The following SKOR2 variants were observed in gnomAD, a reference collection of about 807,000 sequenced individuals.
The protein encoded by SKOR2 is SKI family transcriptional corepressor 2, also known as LBX1 corepressor 1-like protein.
A neutral mutation model predicts 69.1 loss-of-function variants in SKOR2; 47 were observed. That is an observed-to-expected ratio of 0.68 (90% CI 0.54 to 0.87). SKOR2 has a LOEUF of 0.87. Ranked by LOEUF, SKOR2 falls within the 40% of genes least tolerant of loss-of-function variation. The probability of loss-of-function intolerance (pLI) is 0.00; values close to 1 mark genes in which losing one functional copy is unlikely to be tolerated. For synonymous variants in SKOR2, 717 were observed against 672.6 expected, an observed-to-expected ratio of 1.07 and a Z score of -1.02; for missense variants, 1,404 against 1,472.2, an observed-to-expected ratio of 0.95 and a Z score of 0.76.
intron 3 of SKOR2, among the ~76,000 whole-genome samples, 196 bp from the exon 4 acceptor site, chr18:47,245,178 A>G (rs765144403): frequency 6.6e-6 from 1 of 152,184 alleles, no homozygotes; most frequent in Non-Finnish European, 1.5e-5. Flanking sequence ...GAGGACAAAG[A>G]TATCTAAGAA....
chr18:47,212,076 G>C lies in SKOR2; in HGVS notation c.*3+10C>G. On this transcript the variant is annotated intron_variant, in intron 8 of 8. Coordinates refer to ENST00000425639, the MANE Select transcript of SKOR2 (RefSeq NM_001278063.4). ...GAGTTAAGAAAATCTCTTTCCTCTG[G>C]TGATCTTACCTTTTAGCTTTTGCTG... is the stretch of plus-strand genomic sequence containing the variant. 1 of 1,231,906 alleles carries C rather than the reference G, an allele frequency of 8.1e-7. No homozygotes were observed. The highest frequency in any genetic ancestry group is 3.2e-5 in the East Asian group (1 of 31,698). The allele number at this position is 1,231,906 out of a possible 1,614,324, so 76.3% of individuals were successfully genotyped here. A position where few individuals can be genotyped will look rare whatever the true frequency, so the allele number is the denominator to read the frequency against.
At position 47,247,697 on chromosome 18, in the gene SKOR2, C is replaced by A; in HGVS notation, c.1487G>T (p.Gly496Val). 1.5e-6 allele frequency: 2 copies of A among 1,366,002 alleles called. No homozygotes were observed. Among genetic ancestry groups the A allele is most frequent in the Non-Finnish European group, 9.4e-7 (1 of 1,068,386 alleles). The allele number at this position is 1,366,002 out of a possible 1,614,324, so 84.6% of individuals were successfully genotyped here. Reference sequence around the variant, plus strand: ...GGCCGGGCTTTCGCCTAGCGCGCAGCCTAGCGCCGAGGGCGGCTGAGGCGG... The same window carrying A: ...GGCCGGGCTTTCGCCTAGCGCGCAGACTAGCGCCGAGGGCGGCTGAGGCGG... ...QPPPQPPSAL[G>V]CALGESPALL... The change falls in exon 2 of 9, where the codon GGC becomes GTC. Residue 496 changes from glycine to valine, a missense_variant. Gly to Val is a moderately radical substitution (Grantham distance 109). Around this residue, in one of 3 missense-constraint regions of SKOR2, gnomAD observed 1,266 missense variants for 1,309.9 expected, o/e 0.97. Transcript: ENST00000425639. The surrounding 1 kb of genome is among the most constrained non-coding windows in gnomAD (Gnocchi z 6.6).
intron 7 of SKOR2, among the ~76,000 whole-genome samples, chr18:47,219,016 C>A (rs573242588): frequency 6.6e-6 from 1 of 152,290 alleles, no homozygotes; most frequent in Admixed American, 6.5e-5. Context: ...AACTATCTTT[C>A]TTAAATAATC....
chr18:47,244,890 T>G lies in SKOR2; in HGVS notation c.2752+18A>C. The G allele has an allele frequency of 6.5e-7, 1 of 1,534,068 alleles. No homozygotes were observed. Among genetic ancestry groups the G allele is most frequent in the African/African-American group, 1.4e-5 (1 of 73,104 alleles). On this transcript the variant is annotated intron_variant, in intron 4 of 8. Coordinates refer to ENST00000425639, the MANE Select transcript of SKOR2 (RefSeq NM_001278063.4). ...CTGTCATCTGACTATTCATTCCTCT[T>G]ATTTGTTCCCAGCCTACCTGATCTT...
chr18:47,248,405 T>A lies in SKOR2; in HGVS notation c.779A>T (p.Lys260Met). Residue 260 changes from lysine (K) to methionine (M), a missense_variant, in exon 2 of 9, where the codon AAG becomes ATG. Lys to Met is a moderately conservative substitution (Grantham distance 95). Coordinates refer to ENST00000425639, the MANE Select transcript of SKOR2 (RefSeq NM_001278063.4). This position sits in a 1 kb window ranked among gnomAD's most constrained non-coding sequence, Gnocchi z 6.4. ...HPACHPLSSV[K>M]AAAVAAAAAV... is the part of the protein sequence containing the mutation. ...GGCCGCGGCGGCCACGGCGGCCGCC[T>A]TCACAGAGCTGAGCGGGTGGCAGGC... 7 of 1,377,998 alleles carry A rather than the reference T, an allele frequency of 5.1e-6. No homozygotes were observed. Among genetic ancestry groups the A allele is most frequent in the Admixed American group, 2.9e-5 (1 of 34,304 alleles). 85.4% of individuals were successfully genotyped at this position (1,377,998 alleles called of 1,614,324 possible). A position where few individuals can be genotyped will look rare whatever the true frequency, so the allele number is the denominator to read the frequency against.
intron 6 of SKOR2, among the ~76,000 whole-genome samples, chr18:47,227,334 T>A (rs1475382832): frequency 7.6e-6 from 1 of 131,480 alleles, no homozygotes; most frequent in African/African-American, 2.9e-5. Context: ...CAATTTTTTT[T>A]TTTTTTTTTT....
chr18:47,226,338 G>T (rs1167366422), intron 6 of SKOR2, among the ~76,000 whole-genome samples: 1 of 152,112 alleles, frequency 6.6e-6, no homozygotes, highest in Non-Finnish European at 1.5e-5. Context: ...AGGGAGTTTG[G>T]AATGGTGGAA....
In SKOR2 at chr18:47,248,360, C is replaced by G; in HGVS notation, c.824G>C (p.Gly275Ala). The G allele has an allele frequency of 1.6e-6, 2 of 1,279,402 alleles. No individual in the cohort carries two copies. Among genetic ancestry groups the G allele is most frequent in the Non-Finnish European group, 2.0e-6 (2 of 1,022,094 alleles). 79.3% of individuals were successfully genotyped at this position (1,279,402 alleles called of 1,614,324 possible). A position where few individuals can be genotyped will look rare whatever the true frequency, so the allele number is the denominator to read the frequency against. Residue 275 changes from glycine to alanine, a missense_variant, in exon 2 of 9, where the codon GGT becomes GCT. Transcript: ENST00000425639. The surrounding 1 kb of genome is among the most constrained non-coding windows in gnomAD (Gnocchi z 6.4). ...AAAAAVAGGG[G>A]LLGPHLLGAP... The stretch of plus-strand genomic sequence containing the variant: ...ACCCAGCAGGTGGGGGCCCAGCAGA[C>G]CCCCGCCTCCGGCCACCGCGGCCGC...
At chr18:47,235,790 A>C (rs2144501819) in intron 4 of SKOR2, among the ~76,000 whole-genome samples, 1 of 150,740 alleles carries the variant, frequency 6.6e-6, no homozygotes, top group South Asian at 2.1e-4. Context: ...CAAAAAAAAA[A>C]AAAAAAAAAA....
In SKOR2 at chr18:47,248,545, G is replaced by C. The variant is rs1252058696; in HGVS notation, c.639C>G (p.Leu213=). The C allele has an allele frequency of 6.5e-7, 1 of 1,537,466 alleles. No homozygotes were observed. The highest frequency in any genetic ancestry group is 8.7e-7 in the Non-Finnish European group (1 of 1,146,974). The change falls in exon 2 of 9, where the codon CTC becomes CTG. Residue 213 remains leucine, a synonymous_variant. Coordinates refer to ENST00000425639, the MANE Select transcript of SKOR2 (RefSeq NM_001278063.4). This position sits in a 1 kb window ranked among gnomAD's most constrained non-coding sequence, Gnocchi z 6.4. ...CCTGGGGACTCTTGTCGGTGAGCTT[G>C]AGATGACGGCGCCACGAGTTGAAGT... ...AANFNSWRRH[L]KLTDKSPQDE... is the part of the protein sequence containing the mutation.
chr18:47,209,243 A>G (rs563108673), intron 8 of SKOR2, among the ~76,000 whole-genome samples: 2 of 152,122 alleles, frequency 1.3e-5, no homozygotes, highest in Non-Finnish European at 2.9e-5. Flanking sequence ...TCCTCCTCTT[A>G]ATAGTCATAT....
intron 8 of SKOR2, among the ~76,000 whole-genome samples, chr18:47,208,667 A>G (rs1484604689): frequency 6.6e-6 from 1 of 152,200 alleles, no homozygotes; most frequent in Non-Finnish European, 1.5e-5. Context: ...CTGTGCAGGA[A>G]GTGCGTCACA....
At chr18:47,245,817 A>G (rs1041638797) in intron 2 of SKOR2, among the ~76,000 whole-genome samples, 5 of 152,142 alleles carry the variant, frequency 3.3e-5, no homozygotes, top group African/African-American at 1.2e-4. Context: ...GCATAGGCAT[A>G]TGCTTCTGTA....
chr18:47,220,870 C>T (rs2064159076), intron 6 of SKOR2, among the ~76,000 whole-genome samples: 1 of 152,140 alleles, frequency 6.6e-6, no homozygotes, highest in Non-Finnish European at 1.5e-5. Context: ...GAAACTTCAT[C>T]ATTATCTTTT....
intron 7 of SKOR2, among the ~76,000 whole-genome samples, chr18:47,216,728 T>C (rs2144481816): frequency 6.6e-6 from 1 of 152,312 alleles, no homozygotes; most frequent in East Asian, 1.9e-4. Flanking sequence ...TTGGGAATCA[T>C]TACAAAATAT....
intron 7 of SKOR2, among the ~76,000 whole-genome samples, chr18:47,213,743 A>G (rs1305893594): frequency 6.6e-6 from 1 of 152,204 alleles, no homozygotes; most frequent in Admixed American, 6.5e-5. Flanking sequence ...TTAAAAGTTC[A>G]GTGTCCTAAT....
At position 47,230,345 on chromosome 18, in the gene SKOR2, G is replaced by A. The variant is rs534785478; in HGVS notation, c.2917+114C>T. The A allele has an allele frequency of 1.5e-4, 89 of 609,416 alleles. No homozygotes were observed. The South Asian group carries it at 4.5e-3, about 31-fold the overall frequency. The allele number at this position is 609,416 out of a possible 1,614,324, so 37.8% of individuals were successfully genotyped here. On this transcript the variant is annotated intron_variant, in intron 6 of 8. Transcript: ENST00000425639. ...TTATGAATATTTAGGCAGACCATGG[G>A]AAGACTGTGTGTGTTTTGCACAATC...
intron 7 of SKOR2, among the ~76,000 whole-genome samples, chr18:47,215,640 T>C (rs765564440): frequency 1.7e-4 from 26 of 152,200 alleles, no homozygotes; most frequent in Non-Finnish European, 3.4e-4. Context: ...CCTTAATCTA[T>C]TGATTGAACA....
At chr18:47,220,109 C>T (rs946306038) in intron 6 of SKOR2, 99 bp from the exon 7 acceptor site, 32 of 965,118 alleles carry the variant, frequency 3.3e-5, no homozygotes, top group Non-Finnish European at 4.7e-5. Flanking sequence ...GGACAGCCCC[C>T]CTACTTTTAA....
Sources: gnomAD v4.1 joint callset for allele counts (sites outside exome capture counted in the v4.1 genomes callset) on GRCh38, gnomAD v4.1.1 for gene constraint, gnomAD v4.1.1 regional missense constraint, Gnocchi (gnomAD v3.1) non-coding constraint, MANE v1.5 for transcripts, NCBI Gene and HGNC (gene_info 2026-07-23, HGNC 2026-07-21) for gene names.